Variants in RAD52 observed in about 807,000 individuals in gnomAD.
The protein encoded by RAD52 is RAD52 DNA repair protein, also known as DNA repair protein RAD52 homolog.
Under a neutral mutation model 55.5 loss-of-function variants are expected in RAD52, and 47 were observed. The ratio of observed to expected loss-of-function variants is 0.85; its 90% CI spans 0.67 to 1.08. The LOEUF (loss-of-function observed/expected upper bound fraction) is 1.08, where lower values mean the gene tolerates loss of function less well. Among genes scored for constraint, RAD52 ranks in the 50% least tolerant of loss-of-function variants. The pLI, the probability that RAD52 is intolerant of heterozygous loss-of-function variation, is 0.00. For synonymous variants in RAD52, 184 were observed against 198.9 expected (o/e 0.92, Z 0.63); for missense variants, 468 against 522.8 (o/e 0.90, Z 1.02).
intron 1 of RAD52, among the ~76,000 whole-genome samples, chr12:934,736 C>A (rs962597520): frequency 2.0e-5 from 3 of 151,808 alleles, no homozygotes; most frequent in Admixed American, 1.3e-4. Context: ...CATTGTACAC[C>A]CTAAATATAT....
intron 1 of RAD52, among the ~76,000 whole-genome samples, chr12:987,486 A>G (rs1959101194): frequency 6.6e-6 from 1 of 151,038 alleles, no homozygotes; most frequent in African/African-American, 2.4e-5. Context: ...TTTTCACATA[A>G]TATTAGTCCT....
At position 935,853 on chromosome 12, in the gene RAD52, CAAAA is replaced by C. The variant is rs1555175365; in HGVS notation, c.-18-2781_-18-2778del. ...GGGAAACAAGAGTGAAACTCCGTCTCAAAAAAATAAATAAATAAATAAATAAATA... is the reference window on the plus strand; with the variant it reads ...GGGAAACAAGAGTGAAACTCCGTCTCAAATAAATAAATAAATAAATAAATA... On this transcript the variant is annotated intron_variant, in intron 1 of 11. Coordinates refer to ENST00000358495, the MANE Select transcript of RAD52 (RefSeq NM_134424.4). Among the ~76,000 whole-genome samples, 376 of 143,034 alleles carry C rather than the reference CAAAA, an allele frequency of 2.6e-3. 3 individuals carry two copies. Among genetic ancestry groups the C allele is most frequent in the East Asian group, 0.012 (56 of 4,540 alleles). The allele number at this position is 143,034 out of a possible 152,430, so 93.8% of individuals were successfully genotyped here.
intron 1 of RAD52, among the ~76,000 whole-genome samples, chr12:949,164 G>C (rs1321891275): frequency 1.3e-5 from 2 of 151,942 alleles, no homozygotes; most frequent in African/African-American, 4.8e-5. Flanking sequence ...AGGGAACATG[G>C]GGGCATGCCG....
At chr12:921,591 G>A (rs913950701) in intron 7 of RAD52, among the ~76,000 whole-genome samples, 8 of 152,156 alleles carry the variant, frequency 5.3e-5, no homozygotes, top group Middle Eastern at 3.4e-3. Context: ...CAGCCTGCGT[G>A]GGAGGATCAC....
Position 916,401 on chromosome 12 carries a change from C to CCCGGAACTGCTGCTGCAGCTGCTTCTG in RAD52, c.781_807dup (p.Gln261_Arg269dup). ...CGAACCTGCTGCTTCTCCATCCGCT[C>CCCGGAACTGCTGCTGCAGCTGCTTCTG]CCGGAACTGCTGCTGCAGCTGCTTC... On this transcript the variant is annotated inframe_insertion, in exon 9 of 12. Coordinates refer to ENST00000358495, the MANE Select transcript of RAD52 (RefSeq NM_134424.4). The CCCGGAACTGCTGCTGCAGCTGCTTCTG allele has an allele frequency of 6.2e-7, 1 of 1,609,042 alleles. No individual in the cohort carries two copies. Among genetic ancestry groups the CCCGGAACTGCTGCTGCAGCTGCTTCTG allele is most frequent in the Non-Finnish European group, 8.5e-7 (1 of 1,179,604 alleles).
chr12:923,986 G>A (rs543280799), intron 7 of RAD52, among the ~76,000 whole-genome samples: 6 of 151,714 alleles, frequency 4.0e-5, no homozygotes, highest in Non-Finnish European at 8.8e-5. Flanking sequence ...ATGAACCCGG[G>A]AGGCAGAGGT....
chr12:947,089 G>T (rs553690633), intron 1 of RAD52, among the ~76,000 whole-genome samples: 1 of 152,358 alleles, frequency 6.6e-6, no homozygotes, highest in East Asian at 1.9e-4. Context: ...CACTTTGGGA[G>T]GCCAAGGCGG....
rs11571407 is a variant in RAD52, at chr12:931,748, C to G, written c.85-427G>C. On this transcript the variant is annotated intron_variant, in intron 2 of 11. Coordinates refer to ENST00000358495, the MANE Select transcript of RAD52 (RefSeq NM_134424.4). The stretch of plus-strand genomic sequence containing the variant: ...CTTAGGAAGCTAAAATGTTCTGCCT[C>G]CAGATCTGTAAATGACGTCAGCACA... Among the ~76,000 whole-genome samples the G allele has an allele frequency of 6.1e-3, 935 of 152,298 alleles. 6 individuals are homozygous for G. Among genetic ancestry groups the G allele is most frequent in the African/African-American group, 0.021 (890 of 41,568 alleles).
Position 914,955 on chromosome 12 carries a change from C to T in RAD52, c.866-423G>A, listed in dbSNP as rs56239036. The stretch of plus-strand genomic sequence containing the variant: ...GGAGGATCGCTTGAAACCAGGAATT[C>T]GAGACGCCACCTCTACAAAAAATAA... On this transcript the variant is annotated intron_variant, in intron 9 of 11. Transcript: ENST00000358495. 4.9e-3 allele frequency among the ~76,000 whole-genome samples: 741 copies of T among 152,230 alleles called. 10 individuals carry two copies. Among genetic ancestry groups the T allele is most frequent in the African/African-American group, 0.017 (696 of 41,544 alleles).
At chr12:989,366 TA>T (rs1959139620) in intron 1 of RAD52, among the ~76,000 whole-genome samples, 2 of 152,208 alleles carry the variant, frequency 1.3e-5, no homozygotes, top group African/African-American at 4.8e-5. Flanking sequence ...AAAAAAAAAT[TA>T]TCTTCCGATG....
Position 912,735 on chromosome 12 carries a change from AAAAAAAAAAAC to A in RAD52, c.*645_*655del, listed in dbSNP as rs1478720746. The A allele has an allele frequency of 2.7e-4, 38 of 139,212 alleles. 1 individual carries two copies. Among genetic ancestry groups the A allele is most frequent in the East Asian group, 4.2e-4 (3 of 7,166 alleles). 8.6% of individuals were successfully genotyped at this position (139,212 alleles called of 1,614,324 possible). Reference sequence around the variant, plus strand: ...CAGACCCCGTCTCAAAAAAAAAAAAAAAAAAAAAAACAAAAAACAGCCTTTTTTCGTGGTCT... The same window carrying A: ...CAGACCCCGTCTCAAAAAAAAAAAAAAAAAAACAGCCTTTTTTCGTGGTCT... On this transcript the variant is annotated 3_prime_UTR_variant, in exon 12 of 12. Transcript: ENST00000358495.
intron 1 of RAD52, among the ~76,000 whole-genome samples, chr12:978,930 A>G (rs1198371632): frequency 6.6e-6 from 1 of 152,144 alleles, no homozygotes; most frequent in African/African-American, 2.4e-5. Context: ...AGACAGACAG[A>G]TAGATATAGA....
intron 1 of RAD52, among the ~76,000 whole-genome samples, chr12:943,597 C>T (rs1193149631): frequency 3.9e-5 from 6 of 152,142 alleles, no homozygotes; most frequent in Non-Finnish European, 8.8e-5. Flanking sequence ...GATCCCCCCG[C>T]CTCGGCCTCC....
intron 1 of RAD52, among the ~76,000 whole-genome samples, chr12:933,835 G>A (rs1328022036): frequency 1.3e-5 from 2 of 152,026 alleles, no homozygotes; most frequent in Non-Finnish European, 2.9e-5. Flanking sequence ...CAAAACACAG[G>A]TAATGGCCAG....
intron 1 of RAD52, among the ~76,000 whole-genome samples, chr12:963,818 G>A (rs1001537282): frequency 2.6e-5 from 4 of 151,238 alleles, no homozygotes; most frequent in African/African-American, 7.3e-5. Context: ...TAAAATTATC[G>A]GCAAGTAAAA....
intron 1 of RAD52, among the ~76,000 whole-genome samples, chr12:972,760 C>A (rs146865735): frequency 1.7e-5 from 2 of 116,580 alleles, no homozygotes; most frequent in Non-Finnish European, 3.3e-5. Flanking sequence ...AGCGAGACTC[C>A]GTCTCAAAAA....
intron 1 of RAD52, among the ~76,000 whole-genome samples, chr12:939,989 C>G (rs1555176511): frequency 6.6e-6 from 1 of 151,778 alleles, no homozygotes; most frequent in African/African-American, 2.4e-5. Flanking sequence ...GCAGGAGAAT[C>G]ACTTGAACCT....
intron 2 of RAD52, among the ~76,000 whole-genome samples, chr12:932,760 A>C (rs201045205): frequency 4.9e-5 from 7 of 142,042 alleles, no homozygotes. Flanking sequence ...TGTACTATGT[A>C]AACGTACTAG....
chr12:944,668 G>T (rs1320244758), intron 1 of RAD52, among the ~76,000 whole-genome samples: 1 of 150,858 alleles, frequency 6.6e-6, no homozygotes, highest in East Asian at 1.9e-4. Flanking sequence ...TAGGATAGTG[G>T]CTATGGCAAG....
Sources: allele counts gnomAD v4.1 joint callset (sites outside exome capture counted in the v4.1 genomes callset), GRCh38; gene constraint gnomAD v4.1.1; transcripts MANE v1.5; gene names NCBI Gene and HGNC (gene_info 2026-07-23, HGNC 2026-07-21).